SEZ6L: variants seen among roughly 807,000 people sequenced by gnomAD.
The protein encoded by SEZ6L is seizure 6-like protein.
SEZ6L carries 37 observed loss-of-function variants against 106.2 expected under a neutral mutation model. That is an observed-to-expected ratio of 0.35 (90% CI 0.27 to 0.46). The LOEUF is 0.46. Among genes scored for constraint, SEZ6L ranks in the 20% least tolerant of loss-of-function variants. The probability of loss-of-function intolerance (pLI) is 1.00; values close to 1 mark genes in which losing one functional copy is unlikely to be tolerated. For synonymous variants in SEZ6L, 541 were observed against 570.4 expected (o/e 0.95, Z 0.73); for missense variants, 1,172 against 1,332.8 (o/e 0.88, Z 1.88).
chr22:26,289,124 T>C (rs1462476259), intron 1 of SEZ6L, among the ~76,000 whole-genome samples: 1 of 152,204 alleles, frequency 6.6e-6, no homozygotes, highest in East Asian at 1.9e-4. Flanking sequence ...AGGAGACCCA[T>C]GCAAAGTCAT....
rs1326985617 is a variant in SEZ6L, at chr22:26,381,020, A to G, written c.*725A>G. 6.6e-6 allele frequency: 1 copy of G among 152,156 alleles called. No homozygotes were observed. The highest frequency in any genetic ancestry group is 2.4e-5 in the African/African-American group (1 of 41,428). 9.4% of individuals were successfully genotyped at this position (152,156 alleles called of 1,614,324 possible). On this transcript the variant is annotated 3_prime_UTR_variant, in exon 17 of 17. Coordinates refer to ENST00000248933, the MANE Select transcript of SEZ6L (RefSeq NM_021115.5). ...AGAGATTTGAGAGTTCCAATGAAGA[A>G]TTGGGTGAGGGGGATCATTGGGTAA...
At chr22:26,341,157 G>A (rs1235991026) in intron 10 of SEZ6L, among the ~76,000 whole-genome samples, 1 of 152,132 alleles carries the variant, frequency 6.6e-6, no homozygotes, top group East Asian at 1.9e-4. Context: ...AACAAGGACA[G>A]CCTTCCTTTC....
In SEZ6L at chr22:26,292,725, C is replaced by T. The variant is rs369680345; in HGVS notation, c.414C>T (p.Ser138=). ...ARKQLRPKAT[S]AATVQRAGSQ... ...AGCAGCTGAGGCCCAAGGCCACCTC[C>T]GCAGCCACTGTCCAAAGGGCAGGGT... The change falls in exon 2 of 17, where the codon TCC becomes TCT. Residue 138 remains serine, a synonymous_variant. Transcript: ENST00000248933. 1.2e-5 allele frequency: 20 copies of T among 1,613,946 alleles called. No homozygotes were observed. The African/African-American group carries it at 1.6e-4, about 13-fold the overall frequency.
At chr22:26,293,653 A>G (rs1946478730) in intron 2 of SEZ6L, among the ~76,000 whole-genome samples, 1 of 152,196 alleles carries the variant, frequency 6.6e-6, no homozygotes, top group African/African-American at 2.4e-5. Context: ...AGATGAGACA[A>G]CTGAAACCCT....
chr22:26,179,648 G>C (rs896687678), intron 1 of SEZ6L, among the ~76,000 whole-genome samples: 1 of 152,178 alleles, frequency 6.6e-6, no homozygotes, highest in Non-Finnish European at 1.5e-5. Flanking sequence ...ATTCAGGATA[G>C]CTGAAGAATA....
intron 1 of SEZ6L, among the ~76,000 whole-genome samples, chr22:26,203,967 G>A (rs1217714174): frequency 6.6e-6 from 1 of 152,180 alleles, no homozygotes; most frequent in Non-Finnish European, 1.5e-5. Flanking sequence ...GGTTGTTACT[G>A]CCATGGCTTT....
intron 1 of SEZ6L, among the ~76,000 whole-genome samples, chr22:26,231,272 T>C (rs2078789809): frequency 6.6e-6 from 1 of 152,222 alleles, no homozygotes. Context: ...AGTTGTCTGG[T>C]CATTGCCATG....
At chr22:26,207,903 CA>C (rs201331680) in intron 1 of SEZ6L, among the ~76,000 whole-genome samples, 1,372 of 136,094 alleles carry the variant, frequency 0.01, 29 homozygotes, top group South Asian at 0.039. Flanking sequence ...TTTAAATATT[CA>C]TGTGTATTTT....
chr22:26,285,088 C>T (rs1336033493), intron 1 of SEZ6L, among the ~76,000 whole-genome samples: 1 of 152,110 alleles, frequency 6.6e-6, no homozygotes, highest in Non-Finnish European at 1.5e-5. Context: ...AGGGAAGACC[C>T]CTGCTGCCCC....
chr22:26,317,489 C>T (rs1436959147), intron 9 of SEZ6L, among the ~76,000 whole-genome samples: 1 of 151,616 alleles, frequency 6.6e-6, no homozygotes, highest in Non-Finnish European at 1.5e-5. Flanking sequence ...ATAAGACGGG[C>T]CCACATCTCC....
At chr22:26,336,351 G>A (rs1036266805) in intron 9 of SEZ6L, among the ~76,000 whole-genome samples, 9 of 152,160 alleles carry the variant, frequency 5.9e-5, no homozygotes, top group African/African-American at 2.2e-4. Flanking sequence ...AACCCAAAAT[G>A]CACAGTGAAA....
intron 1 of SEZ6L, among the ~76,000 whole-genome samples, chr22:26,269,092 T>A (rs1014621617): frequency 1.3e-5 from 2 of 152,240 alleles, no homozygotes; most frequent in African/African-American, 4.8e-5. Flanking sequence ...TTAACTGTGA[T>A]GCTGTTCAAT....
Position 26,260,904 on chromosome 22 carries a change from AT to A in SEZ6L, c.95-31494del, listed in dbSNP as rs372934830. ...CCGTGCCAACGTCTATTGTATTTTG[AT>A]TTTTTTTGTTATGGCCATTCTTGCA... On this transcript the variant is annotated intron_variant, in intron 1 of 16. Transcript: ENST00000248933. Among the ~76,000 whole-genome samples, 3 of 151,520 alleles carry A rather than the reference AT, an allele frequency of 2.0e-5. No individual in the cohort carries two copies. In the East Asian group the frequency reaches 5.8e-4, roughly 29 times the overall value.
intron 1 of SEZ6L, among the ~76,000 whole-genome samples, chr22:26,212,576 C>A (rs1472668787): frequency 6.6e-6 from 1 of 152,124 alleles, no homozygotes; most frequent in Non-Finnish European, 1.5e-5. Flanking sequence ...GCATGCGCCA[C>A]CATGCCCGCC....
chr22:26,190,093 T>A, intron 1 of SEZ6L, among the ~76,000 whole-genome samples: 1 of 147,250 alleles, frequency 6.8e-6, no homozygotes, highest in Non-Finnish European at 1.5e-5. Flanking sequence ...CAAGACTGTG[T>A]CTAAAAAAAA....
chr22:26,278,473 A>G (rs2080629003), intron 1 of SEZ6L, among the ~76,000 whole-genome samples: 1 of 152,096 alleles, frequency 6.6e-6, no homozygotes, highest in Admixed American at 6.5e-5. Flanking sequence ...TCCAGTGTCT[A>G]CTATTTCCAT....
chr22:26,298,267 C>T (rs2081356981), intron 4 of SEZ6L, among the ~76,000 whole-genome samples: 1 of 152,186 alleles, frequency 6.6e-6, no homozygotes, highest in South Asian at 2.1e-4. Flanking sequence ...ATATTCTGTG[C>T]TGCAGGAGAG....
chr22:26,261,813 G>T (rs1207397), intron 1 of SEZ6L, among the ~76,000 whole-genome samples: 32,435 of 152,118 alleles, frequency 0.21, 4,040 homozygotes, highest in South Asian at 0.32. Flanking sequence ...ATAATAAAAA[G>T]TGTGGTTCAG....
intron 1 of SEZ6L, among the ~76,000 whole-genome samples, chr22:26,278,281 T>TATC (rs1406015454): frequency 6.6e-6 from 1 of 152,202 alleles, no homozygotes; most frequent in African/African-American, 2.4e-5. Flanking sequence ...TAAAAAGAAA[T>TATC]ATCTTTCTTT....
Sources: allele counts gnomAD v4.1 joint callset (sites outside exome capture counted in the v4.1 genomes callset), GRCh38; gene constraint gnomAD v4.1.1; transcripts MANE v1.5; gene names NCBI Gene and HGNC (gene_info 2026-07-23, HGNC 2026-07-21).